PEX13: variants seen among roughly 807,000 people sequenced by gnomAD.
PEX13 encodes the protein peroxisomal biogenesis factor 13, also known as peroxisome biogenesis factor 13.
In PEX13, 28 loss-of-function variants were observed where a neutral mutation model predicts 34.5. The observed-to-expected ratio is 0.81, with a 90% CI of 0.60 to 1.11. PEX13 has a LOEUF of 1.11. PEX13 is among the 50% of genes most tolerant of loss of function. PEX13 has a pLI of 0.00. For missense variants in PEX13, 550 were observed against 491.0 expected, an observed-to-expected ratio of 1.12 and a Z score of -1.13; for synonymous variants, 177 against 175.1, an observed-to-expected ratio of 1.01 and a Z score of -0.09.
rs1050392536 is a variant in PEX13 at position 61,050,695 on chromosome 2, C to T, written c.*1925C>T. 2.0e-5 allele frequency: 3 copies of T among 152,224 alleles called. No individual in the cohort carries two copies. Among genetic ancestry groups the T allele is most frequent in the Admixed American group, 6.5e-5 (1 of 15,286 alleles). 9.4% of individuals were successfully genotyped at this position (152,224 alleles called of 1,614,324 possible). On this transcript the variant is annotated 3_prime_UTR_variant, in exon 4 of 4. Coordinates refer to ENST00000295030, the MANE Select transcript of PEX13 (RefSeq NM_002618.4). ...AGTCCAGTGGCGCGATCTCGGCTCA[C>T]TGCAAGCTCCGCCTCCCGGGTTCAC...
At chr2:61,045,241 A>G (rs1313708316) in intron 2 of PEX13, among the ~76,000 whole-genome samples, 9 of 152,238 alleles carry the variant, frequency 5.9e-5, no homozygotes, top group Non-Finnish European at 1.5e-5. Context: ...TAGCAAGTGA[A>G]TATTTATAAT....
Position 61,031,532 on chromosome 2 carries a change from A to G in PEX13, c.206A>G (p.Asn69Ser), listed in dbSNP as rs1345007456. 2 of 1,614,016 alleles carry G rather than the reference A, an allele frequency of 1.2e-6. No individual in the cohort carries two copies. The highest frequency in any genetic ancestry group is 2.7e-5 in the African/African-American group (2 of 74,918). The change falls in exon 2 of 4, where the codon AAC (asparagine) becomes AGC (serine). Residue 69 changes from asparagine to serine, a missense_variant. Transcript: ENST00000295030. ...PSQQTGSSSV[N>S]TFRPAYSSFS... ...CAGCAGACAGGAAGTAGCAGTGTGA[A>G]CACTTTTAGACCTGCTTACAGTTCA...
At chr2:61,018,225 A>G in intron 1 of PEX13, 2 of 1,551,100 alleles carry the variant, frequency 1.3e-6, no homozygotes, top group East Asian at 4.9e-5. Flanking sequence ...GCATTTGTCC[A>G]GCCACGGCAT....
rs1427708479 is a variant in PEX13 at position 61,050,592 on chromosome 2, G to A, written c.*1822G>A. 2 of 152,164 alleles carry A rather than the reference G, an allele frequency of 1.3e-5. No homozygotes were observed. The highest frequency in any genetic ancestry group is 2.4e-5 in the African/African-American group (1 of 41,382). 9.4% of individuals were successfully genotyped at this position (152,164 alleles called of 1,614,324 possible). ...TAGATATTGTTGAAAACTTTGAACT[G>A]TTTGATAAAAATTGTGATTTAGTAT... On this transcript the variant is annotated 3_prime_UTR_variant, in exon 4 of 4. Transcript: ENST00000295030.
At chr2:61,020,069 A>C (rs1017011316) in intron 1 of PEX13, among the ~76,000 whole-genome samples, 91 of 152,290 alleles carry the variant, frequency 6.0e-4, no homozygotes, top group African/African-American at 1.6e-3. Context: ...TAAAAATACA[A>C]AAAAACATTA....
At chr2:61,033,978 TTTTTG>T (rs1423361416) in intron 2 of PEX13, among the ~76,000 whole-genome samples, 1 of 149,792 alleles carries the variant, frequency 6.7e-6, no homozygotes, top group Non-Finnish European at 1.5e-5. Context: ...TAGGTGTTTT[TTTTTG>T]TTTTGTTTTT....
chr2:61,035,637 T>A (rs1004635138), intron 2 of PEX13, among the ~76,000 whole-genome samples: 3 of 152,148 alleles, frequency 2.0e-5, no homozygotes, highest in African/African-American at 7.2e-5. Context: ...AATGACCTGA[T>A]GGAGCTAAAA....
intron 2 of PEX13, among the ~76,000 whole-genome samples, chr2:61,044,593 T>C (rs2104811930): frequency 6.6e-6 from 1 of 151,848 alleles, no homozygotes; most frequent in East Asian, 1.9e-4. Context: ...TCCATGTTGG[T>C]CAGGCTGGTC....
At chr2:61,026,374 T>C (rs916836485) in intron 1 of PEX13, among the ~76,000 whole-genome samples, 1 of 143,202 alleles carries the variant, frequency 7.0e-6, no homozygotes, top group African/African-American at 2.6e-5. Flanking sequence ...AGACGGAGTC[T>C]CACTCTGTCG....
rs1405144717 is a variant in PEX13, at chr2:61,017,804, C to T, written c.45C>T (p.Arg15=). The T allele has an allele frequency of 1.3e-6, 2 of 1,550,586 alleles. No individual in the cohort carries two copies. The highest frequency in any genetic ancestry group is 1.7e-6 in the Non-Finnish European group (2 of 1,146,892). ...PPPPPKPWET[R]RIPGAGPGPG... is the part of the protein sequence containing the mutation. ...CTCCCCCCAAACCCTGGGAGACCCG[C>T]CGAATTCCGGGAGCCGGACCGGGAC... The change falls in exon 1 of 4, where the codon CGC becomes CGT. Residue 15 remains arginine (R), a synonymous_variant. Transcript: ENST00000295030.
At position 61,050,087 on chromosome 2, in the gene PEX13, T is replaced by G. The variant is rs1283972444; in HGVS notation, c.*1317T>G. 1 of 152,306 alleles carries G rather than the reference T, an allele frequency of 6.6e-6. No homozygotes were observed. The highest frequency in any genetic ancestry group is 1.5e-5 in the Non-Finnish European group (1 of 68,030). 9.4% of individuals were successfully genotyped at this position (152,306 alleles called of 1,614,324 possible). A position where few individuals can be genotyped will look rare whatever the true frequency, so the allele number is the denominator to read the frequency against. ...CTTATTTATAGTCTTAGTGCTCTAT[T>G]GCCATTTAGAATATGATAATCCTCA... is the stretch of plus-strand genomic sequence containing the variant. On this transcript the variant is annotated 3_prime_UTR_variant, in exon 4 of 4. Transcript: ENST00000295030.
intron 1 of PEX13, 142 bp from the exon 2 acceptor site, chr2:61,031,277 G>C: frequency 2.8e-6 from 2 of 723,906 alleles, no homozygotes; most frequent in African/African-American, 3.5e-5. Flanking sequence ...GGGCAACAGA[G>C]TGAGACCCTG....
At chr2:61,020,595 A>G (rs1413469529) in intron 1 of PEX13, among the ~76,000 whole-genome samples, 1 of 152,058 alleles carries the variant, frequency 6.6e-6, no homozygotes, top group East Asian at 1.9e-4. Flanking sequence ...TTTTTGATAG[A>G]TATCTTGTCA....
chr2:61,025,533 A>G (rs1680339948), intron 1 of PEX13, among the ~76,000 whole-genome samples: 1 of 151,788 alleles, frequency 6.6e-6, no homozygotes, highest in African/African-American at 2.4e-5. Context: ...TAATTTTTGT[A>G]TTTTTAGTAG....
chr2:61,027,298 C>T (rs1680374638), intron 1 of PEX13, among the ~76,000 whole-genome samples: 1 of 149,672 alleles, frequency 6.7e-6, no homozygotes, highest in Non-Finnish European at 1.5e-5. Context: ...GTGATTGCAC[C>T]ACTGAACTCC....
intron 2 of PEX13, among the ~76,000 whole-genome samples, chr2:61,043,332 TA>T (rs36040457): frequency 0.23 from 17,182 of 73,658 alleles, 848 homozygotes; most frequent in Non-Finnish European, 0.29. Flanking sequence ...CTGTCTCTAC[TA>T]AAAAAAAAAA....
At chr2:61,029,160 G>A (rs1680408653) in intron 1 of PEX13, among the ~76,000 whole-genome samples, 1 of 151,374 alleles carries the variant, frequency 6.6e-6, no homozygotes, top group Non-Finnish European at 1.5e-5. Flanking sequence ...AAAAAAGAGG[G>A]CGAACTTAAA....
intron 2 of PEX13, among the ~76,000 whole-genome samples, chr2:61,035,075 G>C (rs1054905269): frequency 2.0e-5 from 3 of 152,212 alleles, no homozygotes. Flanking sequence ...GGGGTCAACA[G>C]ACACCTTCAA....
intron 2 of PEX13, among the ~76,000 whole-genome samples, chr2:61,045,140 C>CA: frequency 6.6e-6 from 1 of 152,292 alleles, no homozygotes; most frequent in East Asian, 1.9e-4. Flanking sequence ...ACCACATACT[C>CA]ATAGACTCAT....
Sources: allele counts gnomAD v4.1 joint callset (sites outside exome capture counted in the v4.1 genomes callset), GRCh38; gene constraint gnomAD v4.1.1; transcripts MANE v1.5; gene names NCBI Gene and HGNC (gene_info 2026-07-23, HGNC 2026-07-21).